Variants in ABCA13 observed in about 807,000 individuals in gnomAD.
ABCA13 encodes the protein ATP binding cassette subfamily A member 13.
ABCA13 carries 476 observed loss-of-function variants against 478.7 expected under a neutral mutation model. That is an observed-to-expected ratio of 0.99 (90% CI 0.92 to 1.07). The LOEUF (loss-of-function observed/expected upper bound fraction) is 1.07. ABCA13 is among the 50% of genes least tolerant of loss of function. The pLI, the probability that ABCA13 is intolerant of heterozygous loss-of-function variation, is 0.00. For missense variants in ABCA13, 6,060 were observed against 5,910.6 expected (o/e 1.03, Z -0.83); for synonymous variants, 2,252 against 2,158.9 (o/e 1.04, Z -1.20).
At chr7:48,530,956 A>T (rs1038497847) in intron 55 of ABCA13, among the ~76,000 whole-genome samples, 2 of 152,048 alleles carry the variant, frequency 1.3e-5, no homozygotes, top group Non-Finnish European at 2.9e-5. Context: ...AACCCTGCTG[A>T]TTGCTTATTT....
chr7:48,637,264 T>A (rs1489613482), intron 59 of ABCA13, among the ~76,000 whole-genome samples: 1 of 151,250 alleles, frequency 6.6e-6, no homozygotes, highest in Non-Finnish European at 1.5e-5. Context: ...GGTGTTTTCC[T>A]CCTCAGGTCT....
chr7:48,252,150 A>G (rs535841124), intron 15 of ABCA13, among the ~76,000 whole-genome samples: 6 of 152,016 alleles, frequency 3.9e-5, no homozygotes, highest in African/African-American at 1.4e-4. Context: ...CTGCATGTGT[A>G]CATTGGTTGG....
At chr7:48,634,266 C>T (rs895415893) in intron 59 of ABCA13, among the ~76,000 whole-genome samples, 1 of 151,960 alleles carries the variant, frequency 6.6e-6, no homozygotes, top group African/African-American at 2.4e-5. Flanking sequence ...TTTGAGATTG[C>T]GTGTGTGTGA....
Position 48,298,271 on chromosome 7 carries a change from T to TATCC in ABCA13, c.9200-94_9200-91dup, listed in dbSNP as rs1562995799. The TATCC allele has an allele frequency of 3.1e-5, 36 of 1,171,732 alleles. No homozygotes were observed. The East Asian group carries it at 8.1e-4, about 27-fold the overall frequency. 72.6% of individuals were successfully genotyped at this position (1,171,732 alleles called of 1,614,324 possible). On this transcript the variant is annotated intron_variant, in intron 22 of 61. Transcript: ENST00000435803. The stretch of plus-strand genomic sequence containing the variant: ...ATGGGTTGAATGGTGTGAAAGAAAC[T>TATCC]ATCCTAGCCAGGTTGTAATATCAAA...
At chr7:48,563,523 A>G (rs1047683955) in intron 55 of ABCA13, among the ~76,000 whole-genome samples, 2 of 152,144 alleles carry the variant, frequency 1.3e-5, no homozygotes, top group African/African-American at 4.8e-5. Flanking sequence ...ATGCCAATAC[A>G]TGTAAGAGCA....
intron 42 of ABCA13, among the ~76,000 whole-genome samples, chr7:48,448,938 G>A (rs1260377774): frequency 6.6e-6 from 1 of 152,126 alleles, no homozygotes; most frequent in African/African-American, 2.4e-5. Flanking sequence ...TACCTCCCAG[G>A]TTCAAGCAAT....
intron 8 of ABCA13, among the ~76,000 whole-genome samples, chr7:48,238,446 T>C (rs1790291818): frequency 6.6e-6 from 1 of 151,782 alleles, no homozygotes; most frequent in African/African-American, 2.4e-5. Context: ...AAAGCAGTGT[T>C]ACAGGAACTC....
At chr7:48,604,369 G>C (rs866677066) in intron 58 of ABCA13, among the ~76,000 whole-genome samples, 1 of 152,144 alleles carries the variant, frequency 6.6e-6, no homozygotes, top group Non-Finnish European at 1.5e-5. Context: ...TGGGCATTTA[G>C]TGCTATAAAT....
intron 35 of ABCA13, among the ~76,000 whole-genome samples, chr7:48,383,720 G>A (rs1814749655): frequency 6.6e-6 from 1 of 152,188 alleles, no homozygotes; most frequent in Admixed American, 6.5e-5. Context: ...TTTTGAGGAA[G>A]CAGGAAAAAA....
intron 15 of ABCA13, 47 bp from the exon 16 acceptor site, chr7:48,268,933 T>A: frequency 1.1e-6 from 1 of 934,032 alleles, no homozygotes; most frequent in South Asian, 1.6e-5. Flanking sequence ...TAGATTTGTC[T>A]GTTATAACCA....
At chr7:48,410,424 A>T in intron 39 of ABCA13, 96 bp from the exon 40 acceptor site, 3 of 1,467,556 alleles carry the variant, frequency 2.0e-6, no homozygotes, top group Non-Finnish European at 2.8e-6. Context: ...AGGATCTTTA[A>T]ATTGTGCCCT....
chr7:48,467,275 A>G (rs1468709954), intron 44 of ABCA13, among the ~76,000 whole-genome samples: 1 of 152,200 alleles, frequency 6.6e-6, no homozygotes, highest in Admixed American at 6.5e-5. Flanking sequence ...TCGTACATGC[A>G]TGCTTTATAT....
chr7:48,604,388 A>T (rs113778590), intron 58 of ABCA13, among the ~76,000 whole-genome samples: 2 of 152,296 alleles, frequency 1.3e-5, no homozygotes, highest in African/African-American at 4.8e-5. Flanking sequence ...ATTTCCCTCT[A>T]CACACGGCTT....
At chr7:48,477,438 C>A (rs1828233516) in intron 45 of ABCA13, among the ~76,000 whole-genome samples, 1 of 151,968 alleles carries the variant, frequency 6.6e-6, no homozygotes, top group African/African-American at 2.4e-5. Flanking sequence ...GACACATGCA[C>A]ACGTATGTTT....
At chr7:48,428,744 C>T (rs541625761) in intron 42 of ABCA13, among the ~76,000 whole-genome samples, 1 of 152,262 alleles carries the variant, frequency 6.6e-6, no homozygotes, top group African/African-American at 2.4e-5. Context: ...AATTTGCATT[C>T]TCCTAATGAT....
At chr7:48,222,471 A>G (rs1009089901) in intron 5 of ABCA13, among the ~76,000 whole-genome samples, 1 of 152,210 alleles carries the variant, frequency 6.6e-6, no homozygotes, top group Non-Finnish European at 1.5e-5. Flanking sequence ...GTATAATACA[A>G]GGGAAATAAA....
chr7:48,343,681 C>G (rs193262287), intron 29 of ABCA13, among the ~76,000 whole-genome samples: 1 of 151,704 alleles, frequency 6.6e-6, no homozygotes, highest in Non-Finnish European at 1.5e-5. Context: ...GAGATTTTAG[C>G]GCAGCCATCA....
At chr7:48,246,156 A>G in intron 13 of ABCA13, 126 bp downstream of exon 13, 1 of 1,023,908 alleles carries the variant, frequency 9.8e-7, no homozygotes, top group Non-Finnish European at 1.3e-6. Flanking sequence ...CACTTAAAGG[A>G]AGCTGGCTCT....
At chr7:48,554,519 T>G (rs1563430175) in intron 55 of ABCA13, among the ~76,000 whole-genome samples, 1 of 151,846 alleles carries the variant, frequency 6.6e-6, no homozygotes, top group African/African-American at 2.4e-5. Flanking sequence ...TTTTGCCATT[T>G]TTATTGTAGA....
Sources: gnomAD v4.1 joint callset for allele counts (sites outside exome capture counted in the v4.1 genomes callset) on GRCh38, gnomAD v4.1.1 for gene constraint, MANE v1.5 for transcripts, NCBI Gene and HGNC (gene_info 2026-07-23, HGNC 2026-07-21) for gene names.